Variants in HABP4 observed in about 807,000 individuals in gnomAD.
HABP4 encodes hyaluronan binding protein 4, also known as intracellular hyaluronan-binding protein 4.
HABP4 carries 32 observed loss-of-function variants against 44.1 expected under a neutral mutation model. The ratio of observed to expected loss-of-function variants is 0.73; its 90% CI spans 0.55 to 0.97. The LOEUF is 0.97. Among genes scored for constraint, HABP4 ranks in the 50% least tolerant of loss-of-function variants. HABP4 has a pLI of 0.00. For missense variants in HABP4, 503 were observed against 561.9 expected (o/e 0.90, Z 1.06); for synonymous variants, 216 against 218.0 (o/e 0.99, Z 0.08).
chr9:96,454,144 G>A (rs1232828470), intron 1 of HABP4, among the ~76,000 whole-genome samples: 1 of 152,020 alleles, frequency 6.6e-6, no homozygotes, highest in African/African-American at 2.4e-5. Context: ...CAAATTTGAC[G>A]CAATTAAAAA....
In HABP4 at chr9:96,476,869, C is replaced by T. The variant is rs567668477; in HGVS notation, c.827+5775C>T. ...AACTGCAGCTGATAAGCAGGGCATT[C>T]GTGCCTCTGATATGGGGCATTTGTG... On this transcript the variant is annotated intron_variant, in intron 5 of 7. Coordinates refer to ENST00000375249, the MANE Select transcript of HABP4 (RefSeq NM_014282.4). Among the ~76,000 whole-genome samples the T allele has an allele frequency of 5.9e-5, 9 of 152,312 alleles. 1 individual carries two copies. Among genetic ancestry groups the T allele is most frequent in the African/African-American group, 9.6e-5 (4 of 41,562 alleles).
chr9:96,489,611 G>A (rs941478662), intron 7 of HABP4, among the ~76,000 whole-genome samples: 5 of 152,226 alleles, frequency 3.3e-5, no homozygotes, highest in Non-Finnish European at 7.3e-5. Context: ...TGAAGCTCCT[G>A]ATTCGATGGT....
intron 1 of HABP4, chr9:96,451,357 G>A: frequency 3.6e-6 from 1 of 275,122 alleles, no homozygotes; most frequent in Non-Finnish European, 5.5e-6. Context: ...TGCGCAGCGT[G>A]GTGTCCTGCT....
chr9:96,468,777 A>G (rs1171234183), intron 4 of HABP4, among the ~76,000 whole-genome samples: 1 of 152,240 alleles, frequency 6.6e-6, no homozygotes, highest in Non-Finnish European at 1.5e-5. Context: ...ATAGAGATAA[A>G]TTTTATGTAT....
chr9:96,457,648 G>A (rs1209246492), intron 1 of HABP4, among the ~76,000 whole-genome samples: 1 of 152,174 alleles, frequency 6.6e-6, no homozygotes, highest in East Asian at 1.9e-4. Flanking sequence ...TGGGTGAATT[G>A]CTTGAAGCTG....
chr9:96,463,161 G>C (rs1371359158), intron 2 of HABP4, among the ~76,000 whole-genome samples: 1 of 152,132 alleles, frequency 6.6e-6, no homozygotes, highest in African/African-American at 2.4e-5. Flanking sequence ...GCCCAAGCTA[G>C]TCTCGAACTC....
At chr9:96,457,179 C>A (rs959002665) in intron 1 of HABP4, among the ~76,000 whole-genome samples, 1 of 151,980 alleles carries the variant, frequency 6.6e-6, no homozygotes, top group Non-Finnish European at 1.5e-5. Flanking sequence ...CCAGCCTGAC[C>A]AGGTTAGAGA....
chr9:96,462,865 T>C (rs1832530063), intron 2 of HABP4, among the ~76,000 whole-genome samples: 1 of 152,058 alleles, frequency 6.6e-6, no homozygotes, highest in African/African-American at 2.4e-5. Flanking sequence ...AAGGCTGCAG[T>C]GAGCAGTGAT....
At chr9:96,479,481 A>G (rs1832840378) in intron 5 of HABP4, among the ~76,000 whole-genome samples, 1 of 151,912 alleles carries the variant, frequency 6.6e-6, no homozygotes, top group South Asian at 2.1e-4. Flanking sequence ...AAATATTTAC[A>G]TGTTTCCAAA....
intron 4 of HABP4, among the ~76,000 whole-genome samples, chr9:96,469,537 T>C (rs1193543366): frequency 6.6e-6 from 1 of 152,162 alleles, no homozygotes; most frequent in Non-Finnish European, 1.5e-5. Flanking sequence ...GATTTACCTT[T>C]TTTTCTTTTT....
chr9:96,489,970 T>C lies in HABP4; in HGVS notation c.1186-12T>C, dbSNP rs1168043558. 4 of 1,550,458 alleles carry C rather than the reference T, an allele frequency of 2.6e-6. No homozygotes were observed. Among genetic ancestry groups the C allele is most frequent in the Non-Finnish European group, 3.6e-6 (4 of 1,121,986 alleles). On this transcript the variant is annotated splice_polypyrimidine_tract_variant and intron_variant, in intron 7 of 7. Transcript: ENST00000375249. ...GGGCAGTGGATTTCAAAGTATTTCT[T>C]TTTTTCTTTAGATGCAAGATGTTGC... is the stretch of plus-strand genomic sequence containing the variant.
In HABP4 at chr9:96,465,432, G is replaced by T. The variant is rs1832584326; in HGVS notation, c.608G>T (p.Arg203Ile). ...RGRGRGGPGN[R>I]VFDAFDQRGK... ...AGAGGCAGAGGTGGCCCTGGGAACA[G>T]AGTTTTTGACGCTTTTGACCAGAGA... The change falls in exon 3 of 8, where the codon AGA becomes ATA. Residue 203 changes from arginine to isoleucine, a missense_variant. Arg to Ile is a moderately conservative substitution (Grantham distance 97). Coordinates refer to ENST00000375249, the MANE Select transcript of HABP4 (RefSeq NM_014282.4). 8 of 1,612,438 alleles carry T rather than the reference G, an allele frequency of 5.0e-6. No individual in the cohort carries two copies. The highest frequency in any genetic ancestry group is 5.9e-6 in the Non-Finnish European group (7 of 1,178,388).
intron 4 of HABP4, 148 bp from the exon 5 acceptor site, chr9:96,470,863 C>CA: frequency 1.8e-6 from 1 of 549,904 alleles, no homozygotes; most frequent in Admixed American, 3.0e-5. Flanking sequence ...CCACTGCACT[C>CA]CAGCCTGGGC....
Position 96,469,712 on chromosome 9 carries a change from G to A in HABP4, c.744-1299G>A, listed in dbSNP as rs147805243. On this transcript the variant is annotated intron_variant, in intron 4 of 7. Transcript: ENST00000375249. The stretch of plus-strand genomic sequence containing the variant: ...TAATTTTTGTATTTTTGGTAGAGAC[G>A]GTGTTTCACCATGTTGGCCAGGGTG... Among the ~76,000 whole-genome samples the A allele has an allele frequency of 7.2e-5, 11 of 152,140 alleles. No homozygotes were observed. The East Asian group carries it at 9.7e-4, about 13-fold the overall frequency.
At chr9:96,457,895 A>T (rs941104872) in intron 1 of HABP4, among the ~76,000 whole-genome samples, 2 of 152,238 alleles carry the variant, frequency 1.3e-5, no homozygotes, top group African/African-American at 4.8e-5. Context: ...AAGTAAATAA[A>T]TTAAAAAAAT....
chr9:96,471,019 A>C lies in HABP4; in HGVS notation c.752A>C (p.Glu251Ala). 1 of 1,592,830 alleles carries C rather than the reference A, an allele frequency of 6.3e-7. No individual in the cohort carries two copies. The highest frequency in any genetic ancestry group is 1.7e-4 in the Middle Eastern group (1 of 6,022). The change falls in exon 5 of 8, where the codon GAG (glutamate) becomes GCG (alanine). Residue 251 changes from glutamate (E) to alanine (A), a missense_variant. This residue lies in a region of HABP4 where 131 missense variants were observed against 189.8 expected (regional missense o/e 0.69). Coordinates refer to ENST00000375249, the MANE Select transcript of HABP4 (RefSeq NM_014282.4). The stretch of plus-strand genomic sequence containing the variant: ...GTCTTGCTGTTTTTCAGTGATGTGG[A>C]GCCAACTGCACCGATGGAGGAACCC... ...WGSGKDTSDV[E>A]PTAPMEEPTV...
At chr9:96,451,830 G>A (rs941614360) in intron 1 of HABP4, among the ~76,000 whole-genome samples, 5 of 152,148 alleles carry the variant, frequency 3.3e-5, no homozygotes, top group Admixed American at 2.6e-4. Context: ...GAGATACATT[G>A]TGCATTTTAT....
At chr9:96,467,599 C>T (rs1304904043) in intron 4 of HABP4, among the ~76,000 whole-genome samples, 1 of 146,828 alleles carries the variant, frequency 6.8e-6, no homozygotes, top group Non-Finnish European at 1.5e-5. Context: ...GATCTCAGCT[C>T]ACTGCAACTT....
At chr9:96,466,311 A>C (rs1322075238) in intron 4 of HABP4, among the ~76,000 whole-genome samples, 3 of 151,986 alleles carry the variant, frequency 2.0e-5, no homozygotes, top group Non-Finnish European at 4.4e-5. Flanking sequence ...CAGAGGTTGC[A>C]GTGAGCCGAG....
Sources: gnomAD v4.1 joint callset for allele counts (sites outside exome capture counted in the v4.1 genomes callset) on GRCh38, gnomAD v4.1.1 for gene constraint, gnomAD v4.1.1 regional missense constraint, MANE v1.5 for transcripts, NCBI Gene and HGNC (gene_info 2026-07-23, HGNC 2026-07-21) for gene names.